The following KYNU variants were observed in gnomAD, a reference collection of about 807,000 sequenced individuals.
KYNU encodes kynureninase, also known as L-kynurenine hydrolase.
Under a neutral mutation model 59.2 loss-of-function variants are expected in KYNU, and 54 were observed. The ratio of observed to expected loss-of-function variants is 0.91; its 90% CI spans 0.73 to 1.14. KYNU has a LOEUF of 1.14. Among genes scored for constraint, KYNU ranks in the 50% most tolerant of loss-of-function variants. The probability of loss-of-function intolerance (pLI) is 0.00; values close to 1 mark genes in which losing one functional copy is unlikely to be tolerated. For missense variants in KYNU, 567 were observed against 554.4 expected (o/e 1.02, Z -0.23); for synonymous variants, 177 against 192.0 (o/e 0.92, Z 0.65).
At chr2:142,924,714 GCT>G (rs1285509420) in intron 3 of KYNU, among the ~76,000 whole-genome samples, 1 of 152,154 alleles carries the variant, frequency 6.6e-6, no homozygotes, top group Non-Finnish European at 1.5e-5. Flanking sequence ...TCTCTCCCAT[GCT>G]CTCTTTTCCT....
rs28859939 is a variant in KYNU, at chr2:143,011,096, C to G, written c.903-18531C>G. Among the ~76,000 whole-genome samples the G allele has an allele frequency of 2.1e-5, 3 of 145,058 alleles. No homozygotes were observed. The East Asian group carries it at 6.5e-4, about 32-fold the overall frequency. On this transcript the variant is annotated intron_variant, in intron 10 of 13. Transcript: ENST00000264170. ...TTAAACTAAAGAGCTTCTGCACAGCCAAAGAAACTACCATCAGAGTGAACA... is the reference window on the plus strand; with the variant it reads ...TTAAACTAAAGAGCTTCTGCACAGCGAAAGAAACTACCATCAGAGTGAACA...
At chr2:142,923,832 G>A (rs187807474) in intron 3 of KYNU, among the ~76,000 whole-genome samples, 124 of 152,234 alleles carry the variant, frequency 8.1e-4, no homozygotes, top group Non-Finnish European at 1.5e-3. Flanking sequence ...GACAGTTTAG[G>A]TAAGATTATT....
intron 1 of KYNU, chr2:142,881,337 T>G (rs1253963456): frequency 6.6e-6 from 1 of 152,172 alleles, no homozygotes. Context: ...CTTGGTATCT[T>G]TGTCTAGGAA....
chr2:142,917,271 G>A (rs1682696841), intron 2 of KYNU, among the ~76,000 whole-genome samples: 1 of 152,158 alleles, frequency 6.6e-6, no homozygotes, highest in African/African-American at 2.4e-5. Context: ...ATTGAGTTGT[G>A]CAAGAGTCAG....
rs144421916 is a variant in KYNU at position 142,932,798 on chromosome 2, C to T, written c.373+5057C>T. On this transcript the variant is annotated intron_variant, in intron 4 of 13. Transcript: ENST00000264170. ...GGACACTATAGCATAGCCAGCATGC[C>T]GGCGTCCTTGCTGTAAGAAGGAGCT... Among the ~76,000 whole-genome samples the T allele has an allele frequency of 2.6e-3, 401 of 152,062 alleles. 1 individual carries two copies. Among genetic ancestry groups the T allele is most frequent in the Non-Finnish European group, 4.5e-3 (303 of 67,966 alleles).
chr2:142,908,157 ACTGGC>A lies in KYNU; in HGVS notation c.170-10450_170-10446del, dbSNP rs1179453688. ...TTCTTTTAGCCTTTGGGGGAACTGG[ACTGGC>A]CCTTCACCTCTGTCCTAATGTAGCT... On this transcript the variant is annotated intron_variant, in intron 2 of 13. Transcript: ENST00000264170. Among the ~76,000 whole-genome samples the A allele has an allele frequency of 9.9e-5, 15 of 152,270 alleles. No homozygotes were observed. The East Asian group carries it at 2.7e-3, about 27-fold the overall frequency.
At chr2:142,935,264 G>A (rs1174749545) in intron 4 of KYNU, among the ~76,000 whole-genome samples, 2 of 152,166 alleles carry the variant, frequency 1.3e-5, no homozygotes, top group African/African-American at 4.8e-5. Flanking sequence ...AAAAGGGCTG[G>A]TTTTCGTCAG....
At chr2:142,881,909 CT>C (rs1222437103) in intron 1 of KYNU, among the ~76,000 whole-genome samples, 1 of 124,668 alleles carries the variant, frequency 8.0e-6, no homozygotes, top group African/African-American at 3.3e-5. Flanking sequence ...CTTTTCTTTT[CT>C]TTTTTCTTTT....
rs1687277303 is a variant in KYNU at position 143,052,087 on chromosome 2, GT to G, written c.*9917del. On this transcript the variant is annotated 3_prime_UTR_variant, in exon 14 of 14. Transcript: ENST00000264170. ...GGGAACTGGAGCAAAGGTGACTCTT[GT>G]TATGTTTTAGACATAAAGCAAAGAG... is the stretch of plus-strand genomic sequence containing the variant. 1.3e-5 allele frequency: 2 copies of G among 152,210 alleles called. No individual in the cohort carries two copies. Among genetic ancestry groups the G allele is most frequent in the Non-Finnish European group, 2.9e-5 (2 of 68,070 alleles). The allele number at this position is 152,210 out of a possible 1,614,324, so 9.4% of individuals were successfully genotyped here.
At chr2:143,008,088 C>T (rs1219182509) in intron 10 of KYNU, among the ~76,000 whole-genome samples, 8 of 119,822 alleles carry the variant, frequency 6.7e-5, no homozygotes, top group African/African-American at 1.8e-4. Context: ...GGACTAAATT[C>T]TCCAATTAAA....
rs966604587 is a variant in KYNU at position 143,043,790 on chromosome 2, A to T, written c.*1618A>T. On this transcript the variant is annotated 3_prime_UTR_variant, in exon 14 of 14. Coordinates refer to ENST00000264170, the MANE Select transcript of KYNU (RefSeq NM_003937.3). ...TTATATATTTATATATTTATATTTT[A>T]ATATATTTATATAAATATATATAAA... is the stretch of plus-strand genomic sequence containing the variant. 2.0e-5 allele frequency: 3 copies of T among 146,814 alleles called. No homozygotes were observed. Among genetic ancestry groups the T allele is most frequent in the South Asian group, 4.2e-4 (2 of 4,760 alleles). The allele number at this position is 146,814 out of a possible 1,614,324, so 9.1% of individuals were successfully genotyped here. A position where few individuals can be genotyped will look rare whatever the true frequency, so the allele number is the denominator to read the frequency against.
At chr2:142,909,913 C>T (rs1168035592) in intron 2 of KYNU, among the ~76,000 whole-genome samples, 3 of 152,064 alleles carry the variant, frequency 2.0e-5, no homozygotes, top group African/African-American at 7.2e-5. Context: ...ATTTACATTC[C>T]CACCAATGAT....
chr2:143,035,933 C>T (rs563494364), intron 12 of KYNU, among the ~76,000 whole-genome samples: 11 of 152,102 alleles, frequency 7.2e-5, no homozygotes, highest in African/African-American at 1.4e-4. Flanking sequence ...CCACCATGCC[C>T]GACTAATTTT....
intron 1 of KYNU, among the ~76,000 whole-genome samples, chr2:142,881,854 T>A (rs758492166): frequency 6.6e-5 from 10 of 151,656 alleles, no homozygotes; most frequent in Non-Finnish European, 1.2e-4. Context: ...CCCATCCTCC[T>A]CGGTAGCTAG....
In KYNU at chr2:142,938,818, T is replaced by A. The variant is rs146878870; in HGVS notation, c.373+11077T>A. On this transcript the variant is annotated intron_variant, in intron 4 of 13. Transcript: ENST00000264170. Reference sequence around the variant, plus strand: ...CATATGAATATGTTAACCTATTAAATTTTTTTTAATAACTTTATAGGGGGC... The same window carrying A: ...CATATGAATATGTTAACCTATTAAAATTTTTTTAATAACTTTATAGGGGGC... Among the ~76,000 whole-genome samples, 8 of 133,450 alleles carry A rather than the reference T, an allele frequency of 6.0e-5. No homozygotes were observed. In the East Asian group the frequency reaches 1.6e-3, roughly 27 times the overall value. 87.5% of individuals were successfully genotyped at this position (133,450 alleles called of 152,430 possible).
At chr2:142,942,975 G>A (rs1683650371) in intron 4 of KYNU, among the ~76,000 whole-genome samples, 1 of 152,160 alleles carries the variant, frequency 6.6e-6, no homozygotes, top group South Asian at 2.1e-4. Flanking sequence ...TCACATAAGA[G>A]ACATTAAAAA....
intron 8 of KYNU, among the ~76,000 whole-genome samples, chr2:142,962,216 G>C (rs1684378880): frequency 6.6e-6 from 1 of 152,190 alleles, no homozygotes; most frequent in Non-Finnish European, 1.5e-5. Context: ...GAGACAGCAA[G>C]ATACAGAAGA....
intron 10 of KYNU, among the ~76,000 whole-genome samples, chr2:143,007,431 T>C (rs1162464937): frequency 3.6e-4 from 50 of 139,688 alleles, no homozygotes; most frequent in Non-Finnish European, 6.4e-4. Context: ...CTACGTCTGA[T>C]TGGTGTACCT....
chr2:142,923,443 A>G (rs1390867581), intron 3 of KYNU, among the ~76,000 whole-genome samples: 4 of 152,230 alleles, frequency 2.6e-5, no homozygotes, highest in African/African-American at 4.8e-5. Context: ...CTTAATAATT[A>G]TAAGTAAAAA....
Sources: gnomAD v4.1 joint callset for allele counts (sites outside exome capture counted in the v4.1 genomes callset) on GRCh38, gnomAD v4.1.1 for gene constraint, MANE v1.5 for transcripts, NCBI Gene and HGNC (gene_info 2026-07-23, HGNC 2026-07-21) for gene names.